Variants in SLIT1 observed in about 807,000 individuals in gnomAD.
SLIT1 encodes the protein slit guidance ligand 1, also known as slit homolog 1 protein.
Under a neutral mutation model 186.1 loss-of-function variants are expected in SLIT1, and 66 were observed. That is an observed-to-expected ratio of 0.35 (90% CI 0.29 to 0.44). The LOEUF is 0.44. SLIT1 is among the 20% of genes least tolerant of loss of function. The pLI, the probability that SLIT1 is intolerant of heterozygous loss-of-function variation, is 1.00. For synonymous variants in SLIT1, 761 were observed against 833.8 expected (o/e 0.91, Z 1.50); for missense variants, 1,638 against 2,037.4 (o/e 0.80, Z 3.77).
At chr10:97,171,946 C>G (rs1850195075) in intron 1 of SLIT1, among the ~76,000 whole-genome samples, 1 of 152,144 alleles carries the variant, frequency 6.6e-6, no homozygotes, top group Non-Finnish European at 1.5e-5. Context: ...CTCCTTCCTT[C>G]CTCTTTGCCT....
At chr10:97,153,272 G>C (rs1489727667) in intron 4 of SLIT1, 1 of 152,200 alleles carries the variant, frequency 6.6e-6, no homozygotes, top group Admixed American at 6.5e-5. Context: ...GGAAACATTC[G>C]TGCAGAATAA....
chr10:97,108,611 C>T (rs1341577081), intron 4 of SLIT1, among the ~76,000 whole-genome samples: 1 of 152,144 alleles, frequency 6.6e-6, no homozygotes, highest in Non-Finnish European at 1.5e-5. Flanking sequence ...CCACATTTGG[C>T]CAGGTGTGGT....
rs1363780460 is a variant in SLIT1, at chr10:96,999,837, C to G, written c.*1275G>C. 1 of 152,346 alleles carries G rather than the reference C, an allele frequency of 6.6e-6. No individual in the cohort carries two copies. Among genetic ancestry groups the G allele is most frequent in the Admixed American group, 6.5e-5 (1 of 15,292 alleles). The allele number at this position is 152,346 out of a possible 1,614,324, so 9.4% of individuals were successfully genotyped here. ...GCATCCTGGTCATTCCTGCGATGCT[C>G]TGGGATGAGTTCACATCTGTCCATT... On this transcript the variant is annotated 3_prime_UTR_variant, in exon 37 of 37. Coordinates refer to ENST00000266058, the MANE Select transcript of SLIT1 (RefSeq NM_003061.3).
At chr10:97,115,991 C>T (rs1849506844) in intron 4 of SLIT1, among the ~76,000 whole-genome samples, 1 of 152,226 alleles carries the variant, frequency 6.6e-6, no homozygotes, top group African/African-American at 2.4e-5. Context: ...AGAGCACAGG[C>T]TCTGGAGTGA....
chr10:97,158,742 T>A lies in SLIT1; in HGVS notation c.342-853A>T, dbSNP rs144157032. Among the ~76,000 whole-genome samples, 423 of 151,270 alleles carry A rather than the reference T, an allele frequency of 2.8e-3. 1 individual carries two copies. Among genetic ancestry groups the A allele is most frequent in the African/African-American group, 9.9e-3 (407 of 41,078 alleles). ...ATAAAAATGCATGCTCAGCCAGGCA[T>A]GATGGCATGCACCTGTAATCCCAGC... On this transcript the variant is annotated intron_variant, in intron 3 of 36. Transcript: ENST00000266058.
At chr10:97,069,966 C>A (rs552697587) in intron 4 of SLIT1, among the ~76,000 whole-genome samples, 2 of 152,068 alleles carry the variant, frequency 1.3e-5, no homozygotes, top group African/African-American at 4.8e-5. Context: ...CTGGGTTTGC[C>A]CTCTCTGGGA....
At chr10:97,158,673 A>AAAG (rs925883885) in intron 3 of SLIT1, among the ~76,000 whole-genome samples, 2 of 150,860 alleles carry the variant, frequency 1.3e-5, no homozygotes, top group South Asian at 2.1e-4. Flanking sequence ...AAAAAAAAAA[A>AAAG]AAAGAAAGAA....
chr10:97,140,214 G>A (rs190716314), intron 4 of SLIT1, among the ~76,000 whole-genome samples: 27 of 152,096 alleles, frequency 1.8e-4, no homozygotes, highest in Middle Eastern at 3.4e-3. Context: ...AGCGTTCCTC[G>A]TACCAGCTTT....
intron 12 of SLIT1, 105 bp from the exon 13 acceptor site, chr10:97,056,569 G>T: frequency 8.2e-7 from 1 of 1,212,850 alleles, no homozygotes; most frequent in Non-Finnish European, 1.2e-6. Flanking sequence ...ATTACAGGGA[G>T]GAGCCCATCG....
intron 26 of SLIT1, among the ~76,000 whole-genome samples, chr10:97,019,427 A>AG (rs2134599339): frequency 1.3e-5 from 2 of 152,202 alleles, no homozygotes; most frequent in African/African-American, 4.8e-5. Context: ...CCATGTAAGA[A>AG]GGGGACAGTT....
intron 26 of SLIT1, among the ~76,000 whole-genome samples, chr10:97,020,192 C>T (rs1226401986): frequency 4.0e-5 from 6 of 151,860 alleles, no homozygotes; most frequent in African/African-American, 7.3e-5. Flanking sequence ...AGGCTGGTCT[C>T]GAACTCCTGG....
chr10:97,185,128 C>T (rs1027200621), intron 1 of SLIT1, among the ~76,000 whole-genome samples: 2 of 152,252 alleles, frequency 1.3e-5, no homozygotes, highest in Non-Finnish European at 2.9e-5. Flanking sequence ...TGGGAAGTGT[C>T]CCTCCTGGGT....
chr10:97,101,296 C>T (rs1452413347), intron 4 of SLIT1: 4 of 152,330 alleles, frequency 2.6e-5, no homozygotes, highest in Non-Finnish European at 4.4e-5. Flanking sequence ...CAACCCAGAA[C>T]ACTGCTGCAC....
chr10:97,175,668 C>T (rs1439388426), intron 1 of SLIT1, among the ~76,000 whole-genome samples: 1 of 152,186 alleles, frequency 6.6e-6, no homozygotes, highest in African/African-American at 2.4e-5. Flanking sequence ...ACTTCTGAGG[C>T]CCTGCCTTGC....
chr10:97,129,698 C>A (rs2636773), intron 4 of SLIT1, among the ~76,000 whole-genome samples: 1 of 151,934 alleles, frequency 6.6e-6, no homozygotes, highest in Admixed American at 6.6e-5. Flanking sequence ...CGGGCATCCT[C>A]GACTAGTACT....
chr10:97,143,562 A>G (rs1363917862), intron 4 of SLIT1, among the ~76,000 whole-genome samples: 2 of 152,214 alleles, frequency 1.3e-5, no homozygotes, highest in Non-Finnish European at 2.9e-5. Context: ...ATTTAACACT[A>G]CTAAACTGGA....
chr10:97,140,707 G>A (rs1030595379), intron 4 of SLIT1, among the ~76,000 whole-genome samples: 1 of 152,196 alleles, frequency 6.6e-6, no homozygotes, highest in Non-Finnish European at 1.5e-5. Context: ...CTCAGCGGGC[G>A]ATGGCTGGGT....
intron 4 of SLIT1, among the ~76,000 whole-genome samples, chr10:97,107,720 G>A (rs7078655): frequency 0.27 from 40,992 of 151,966 alleles, 5,887 homozygotes; most frequent in African/African-American, 0.37. Flanking sequence ...CAAGGCTCAA[G>A]GACCCTGCCC....
chr10:97,020,383 C>T (rs1414656539), intron 26 of SLIT1, among the ~76,000 whole-genome samples: 3 of 152,128 alleles, frequency 2.0e-5, no homozygotes, highest in Non-Finnish European at 2.9e-5. Context: ...TGTTCTCTTT[C>T]GATAAAAATA....
Sources: allele counts gnomAD v4.1 joint callset (sites outside exome capture counted in the v4.1 genomes callset), GRCh38; gene constraint gnomAD v4.1.1; transcripts MANE v1.5; gene names NCBI Gene and HGNC (gene_info 2026-07-23, HGNC 2026-07-21).